The following EP400 variants were observed in gnomAD, a reference collection of about 807,000 sequenced individuals.
EP400 encodes the protein E1A-binding protein p400.
Under a neutral mutation model 354.1 loss-of-function variants are expected in EP400, and 105 were observed. The observed-to-expected ratio is 0.30, with a 90% confidence interval of 0.25 to 0.35. The LOEUF (loss-of-function observed/expected upper bound fraction) is 0.35, where lower values mean the gene tolerates loss of function less well. Ranked by LOEUF, EP400 falls within the 10% of genes least tolerant of loss-of-function variation. The pLI, the probability that EP400 is intolerant of heterozygous loss-of-function variation, is 1.00. For synonymous variants in EP400, 1,646 were observed against 1,716.9 expected, an observed-to-expected ratio of 0.96 and a Z score of 1.02; for missense variants, 3,280 against 4,121.0, an observed-to-expected ratio of 0.80 and a Z score of 5.59.
chr12:131,992,780 T>C (rs1893082478), intron 11 of EP400, among the ~76,000 whole-genome samples: 1 of 152,070 alleles, frequency 6.6e-6, no homozygotes, highest in Non-Finnish European at 1.5e-5. Context: ...AGTAGAGAGG[T>C]TGGAGAAACT....
chr12:132,006,242 G>A lies in EP400; in HGVS notation c.3066G>A (p.Ala1022=), dbSNP rs112188685. The A allele has an allele frequency of 7.4e-5, 120 of 1,614,232 alleles. 3 individuals are homozygous for A. The East Asian group carries it at 9.1e-4, about 12-fold the overall frequency. ...GGAAGCCAAACGCCAAGGACATTGCGGACGTCACTGCGGTGGCTGAAGCCA... is the reference window on the plus strand; with the variant it reads ...GGAAGCCAAACGCCAAGGACATTGCAGACGTCACTGCGGTGGCTGAAGCCA... The part of the protein sequence containing the change: ...NIGKPNAKDI[A]DVTAVAEAIL... Residue 1022 remains alanine (A), a synonymous_variant, in exon 14 of 53, where the codon GCG becomes GCA. Coordinates refer to ENST00000389561, the MANE Select transcript of EP400 (RefSeq NM_015409.5).
intron 2 of EP400, among the ~76,000 whole-genome samples, chr12:131,968,649 G>A (rs968773750): frequency 2.0e-5 from 3 of 152,124 alleles, no homozygotes; most frequent in Admixed American, 6.6e-5. Flanking sequence ...TGCGTCCATT[G>A]ACCTGTTTAG....
At chr12:132,014,015 T>C (rs1036977986) in intron 19 of EP400, 102 bp downstream of exon 19, 1 of 1,506,170 alleles carries the variant, frequency 6.6e-7, no homozygotes, top group Non-Finnish European at 9.0e-7. Context: ...CCGCAAGGAT[T>C]GGGTGTCTGG....
chr12:131,988,678 A>C (rs1376502411), intron 7 of EP400, among the ~76,000 whole-genome samples: 5 of 152,230 alleles, frequency 3.3e-5, no homozygotes, highest in Non-Finnish European at 7.3e-5. Context: ...AACAAGTGGT[A>C]GATTTCTAGA....
intron 4 of EP400, among the ~76,000 whole-genome samples, 153 bp from the exon 5 acceptor site, chr12:131,981,940 C>G (rs941654326): frequency 6.6e-6 from 1 of 152,152 alleles, no homozygotes; most frequent in Non-Finnish European, 1.5e-5. Context: ...GCCTCTCTTT[C>G]CTTTTGTGTG....
rs1469259403 is a variant in EP400 at position 131,982,318 on chromosome 12, T to C, written c.1769T>C (p.Leu590Pro). ...CAAGTGGTAGAGGCCCAGACACAGC[T>C]CCAAATCCCGGTGAAGACTCAGCAG... ...QPQVVEAQTQ[L>P]QIPVKTQQPN... is the part of the protein sequence containing the mutation. Residue 590 changes from leucine to proline, a missense_variant, in exon 5 of 53, where the codon CTC (leucine) becomes CCC (proline). Transcript: ENST00000389561. 4 of 1,613,876 alleles carry C rather than the reference T, an allele frequency of 2.5e-6. No homozygotes were observed. Among genetic ancestry groups the C allele is most frequent in the Non-Finnish European group, 1.7e-6 (2 of 1,179,980 alleles).
chr12:131,954,845 T>A (rs1430649951), intron 1 of EP400, among the ~76,000 whole-genome samples: 1 of 150,930 alleles, frequency 6.6e-6, no homozygotes, highest in Admixed American at 6.6e-5. Context: ...ATAGGCAACA[T>A]GGTGAAACCT....
chr12:132,017,716 T>G lies in EP400; in HGVS notation c.4105T>G (p.Trp1369Gly). 6.6e-7 allele frequency: 1 copy of G among 1,520,254 alleles called. No individual in the cohort carries two copies. The highest frequency in any genetic ancestry group is 8.8e-7 in the Non-Finnish European group (1 of 1,134,730). 94.2% of individuals were successfully genotyped at this position (1,520,254 alleles called of 1,614,324 possible). A position where few individuals can be genotyped will look rare whatever the true frequency, so the allele number is the denominator to read the frequency against. The change falls in exon 20 of 53, where the codon TGG becomes GGG. Residue 1369 changes from tryptophan to glycine, a missense_variant. By Grantham distance (184) the Trp-to-Gly change is radical. Around this residue, in one of 20 missense-constraint regions of EP400, gnomAD observed 342 missense variants for 342.7 expected, o/e 1.00. Transcript: ENST00000389561. The surrounding 1 kb of genome is among the most constrained non-coding windows in gnomAD (Gnocchi z 5.0). ...CCTGAAGGCACTGGAGAGAGATTTCTGGAAGGTAAGTGGAGGATCCAGAAA... is the reference window on the plus strand; with the variant it reads ...CCTGAAGGCACTGGAGAGAGATTTCGGGAAGGTAAGTGGAGGATCCAGAAA... ...LILKALERDF[W>G]KEADLSMFDL...
chr12:132,014,826 G>C (rs1593347491), intron 19 of EP400, among the ~76,000 whole-genome samples: 1 of 152,224 alleles, frequency 6.6e-6, no homozygotes, highest in East Asian at 1.9e-4. Flanking sequence ...GGCGGGAGCA[G>C]ACGCCAGGTG....
At chr12:131,967,195 A>G (rs962852101) in intron 2 of EP400, among the ~76,000 whole-genome samples, 19 of 151,600 alleles carry the variant, frequency 1.3e-4, no homozygotes, top group Admixed American at 2.0e-4. Context: ...AGCCTGGCCA[A>G]CGTAGTGAAA....
rs781739492 is a variant in EP400, at chr12:132,025,031, G to T, written c.4856-615G>T. 4.2e-4 allele frequency among the ~76,000 whole-genome samples: 64 copies of T among 152,064 alleles called. No individual in the cohort carries two copies. Among genetic ancestry groups the T allele is most frequent in the South Asian group, 1.5e-3 (7 of 4,806 alleles). On this transcript the variant is annotated intron_variant, in intron 24 of 52. Transcript: ENST00000389561. This position sits in a 1 kb window ranked among gnomAD's most constrained non-coding sequence, Gnocchi z 4.1. ...AGAACAAGGCCTGCCACAGAGAAAC[G>T]ATTCAGTCTGGTTTACTTCCTTTTT...
intron 47 of EP400, among the ~76,000 whole-genome samples, chr12:132,063,868 C>T (rs562958733): frequency 2.7e-4 from 41 of 152,264 alleles, no homozygotes; most frequent in African/African-American, 7.5e-4. Context: ...TTGTATCCTG[C>T]GGGACGTGCC....
chr12:131,968,347 G>A (rs1329108141), intron 2 of EP400, among the ~76,000 whole-genome samples: 3 of 152,190 alleles, frequency 2.0e-5, no homozygotes, highest in Non-Finnish European at 4.4e-5. Flanking sequence ...ATCTATGTAT[G>A]TTGAGTTGAC....
chr12:131,988,853 G>T (rs1172188860), intron 7 of EP400, among the ~76,000 whole-genome samples: 1 of 152,076 alleles, frequency 6.6e-6, no homozygotes, highest in Non-Finnish European at 1.5e-5. Flanking sequence ...TCCATCCCTT[G>T]CCCTGTCCAC....
chr12:132,043,446 C>A lies in EP400; in HGVS notation c.6350C>A (p.Ala2117Asp). The change falls in exon 33 of 53, where the codon GCT becomes GAT. Residue 2117 changes from alanine to aspartate, a missense_variant. This residue lies in a region of EP400 where 54 missense variants were observed against 41.3 expected (regional missense o/e 1.31). Transcript: ENST00000389561. ...GAACCATCCCAATTAGAGGAGCTAG[C>A]TGACTTCATGGAGCAGGTTTGGGCA... ...DEEPSQLEELADFMEQLTPIE... is the reference protein window; with the variant it reads ...DEEPSQLEELDDFMEQLTPIE... The A allele has an allele frequency of 7.4e-6, 12 of 1,613,056 alleles. No homozygotes were observed. Among genetic ancestry groups the A allele is most frequent in the Non-Finnish European group, 1.0e-5 (12 of 1,179,996 alleles).
chr12:131,986,869 T>C (rs1356342303), intron 6 of EP400, 62 bp downstream of exon 6: 7 of 1,527,212 alleles, frequency 4.6e-6, no homozygotes, highest in Non-Finnish European at 6.2e-6. Context: ...TTAGTTTTAA[T>C]TGTCAAGAAT....
chr12:132,013,472 C>T lies in EP400; in HGVS notation c.3612-18C>T. 1 of 1,545,866 alleles carries T rather than the reference C, an allele frequency of 6.5e-7. No individual in the cohort carries two copies. The highest frequency in any genetic ancestry group is 8.7e-7 in the Non-Finnish European group (1 of 1,145,536). ...CGTGGCTGTAGAACTCCAGTGTTGT[C>T]TCTTGTCCTGTTTGCAGCCAACAAC... On this transcript the variant is annotated intron_variant, in intron 17 of 52. Coordinates refer to ENST00000389561, the MANE Select transcript of EP400 (RefSeq NM_015409.5). This position sits in a 1 kb window ranked among gnomAD's most constrained non-coding sequence, Gnocchi z 4.5.
chr12:132,028,074 C>T lies in EP400; in HGVS notation c.5167C>T (p.Arg1723Trp), dbSNP rs183260874. ...RLDQIYLVNE[R>W]RCSQAPVYGR... is the part of the protein sequence containing the mutation. ...GGATCAGATTTATTTAGTCAACGAG[C>T]GGCGCTGTTCTCAAGCTCCAGTCTA... is the stretch of plus-strand genomic sequence containing the variant. The change falls in exon 27 of 53, where the codon CGG (arginine) becomes TGG (tryptophan). Residue 1723 changes from arginine (R) to tryptophan (W), a missense_variant. Transcript: ENST00000389561. The T allele has an allele frequency of 2.3e-5, 37 of 1,614,160 alleles. No individual in the cohort carries two copies. The East Asian group carries it at 5.1e-4, about 22-fold the overall frequency.
intron 39 of EP400, among the ~76,000 whole-genome samples, chr12:132,049,007 C>G (rs1043707977): frequency 5.3e-5 from 8 of 152,216 alleles, no homozygotes; most frequent in African/African-American, 1.9e-4. Flanking sequence ...GAGGACATGC[C>G]TCTTTGCATT....
Sources: allele counts gnomAD v4.1 joint callset (sites outside exome capture counted in the v4.1 genomes callset), GRCh38; gene constraint gnomAD v4.1.1; regional missense constraint gnomAD v4.1.1; non-coding constraint Gnocchi (gnomAD v3.1); transcripts MANE v1.5; gene names NCBI Gene and HGNC (gene_info 2026-07-23, HGNC 2026-07-21).